The following NXPE3 variants were observed in gnomAD, a reference collection of about 807,000 sequenced individuals.
The protein encoded by NXPE3 is NXPE family member 3.
In NXPE3, 26 loss-of-function variants were observed where a neutral mutation model predicts 46.1. That is an observed-to-expected ratio of 0.56 (90% CI 0.41 to 0.78). NXPE3 has a LOEUF of 0.78. Ranked by LOEUF, NXPE3 falls within the 30% of genes least tolerant of loss-of-function variation. NXPE3 has a pLI of 0.00. For synonymous variants in NXPE3, 272 were observed against 257.9 expected (o/e 1.05, Z -0.52); for missense variants, 620 against 686.0 (o/e 0.90, Z 1.07).
intron 3 of NXPE3, among the ~76,000 whole-genome samples, chr3:101,784,112 G>A (rs1339247823): frequency 6.6e-6 from 1 of 152,152 alleles, no homozygotes; most frequent in Non-Finnish European, 1.5e-5. Context: ...ATTATTTGTT[G>A]CATAGATTGT....
intron 5 of NXPE3, among the ~76,000 whole-genome samples, chr3:101,806,198 G>T (rs1048446680): frequency 6.6e-6 from 1 of 152,114 alleles, no homozygotes; most frequent in South Asian, 2.1e-4. Flanking sequence ...AGTTTTTTCT[G>T]AAATTGATGA....
chr3:101,822,093 T>C lies in NXPE3; in HGVS notation c.*139T>C. The C allele has an allele frequency of 2.8e-6, 2 of 704,756 alleles. No individual in the cohort carries two copies. Among genetic ancestry groups the C allele is most frequent in the South Asian group, 4.0e-5 (2 of 50,110 alleles). 43.7% of individuals were successfully genotyped at this position (704,756 alleles called of 1,614,324 possible). On this transcript the variant is annotated 3_prime_UTR_variant, in exon 8 of 8. Coordinates refer to ENST00000273347, the MANE Select transcript of NXPE3 (RefSeq NM_145037.4). Reference sequence around the variant, plus strand: ...AAAGATCTGGACTTAATATGATGACTTATAAGGAGCTTAGAAAATGCAGGT... The same window carrying C: ...AAAGATCTGGACTTAATATGATGACCTATAAGGAGCTTAGAAAATGCAGGT...
chr3:101,797,388 T>A (rs977359122), intron 4 of NXPE3, among the ~76,000 whole-genome samples: 10 of 151,996 alleles, frequency 6.6e-5, no homozygotes, highest in Non-Finnish European at 1.2e-4. Context: ...CTACATGGCC[T>A]TGAGCAAATT....
At chr3:101,785,182 G>C (rs1940081818) in intron 3 of NXPE3, among the ~76,000 whole-genome samples, 1 of 152,162 alleles carries the variant, frequency 6.6e-6, no homozygotes, top group Non-Finnish European at 1.5e-5. Flanking sequence ...ATAGGCAATA[G>C]GGGAAATATT....
chr3:101,813,022 C>CA (rs2107334648), intron 6 of NXPE3, among the ~76,000 whole-genome samples: 1 of 152,148 alleles, frequency 6.6e-6, no homozygotes. Flanking sequence ...GGAGTAAACT[C>CA]AAACTCAAGC....
At chr3:101,797,712 A>G (rs1302014256) in intron 4 of NXPE3, among the ~76,000 whole-genome samples, 2 of 53,162 alleles carry the variant, frequency 3.8e-5, no homozygotes, top group Non-Finnish European at 7.3e-5. Context: ...ACTGAGAATG[A>G]TGGTTTCCAA....
intron 3 of NXPE3, among the ~76,000 whole-genome samples, chr3:101,783,746 T>C (rs1236994699): frequency 2.0e-5 from 3 of 152,236 alleles, no homozygotes; most frequent in African/African-American, 7.2e-5. Context: ...CTTTTCCCTC[T>C]CTGGCCATTG....
At chr3:101,799,147 C>T (rs1026328978) in intron 4 of NXPE3, among the ~76,000 whole-genome samples, 3 of 151,816 alleles carry the variant, frequency 2.0e-5, no homozygotes, top group Non-Finnish European at 2.9e-5. Flanking sequence ...GCTATGTTTC[C>T]CAGGTTGGTC....
At chr3:101,794,847 G>A (rs1940733536) in intron 4 of NXPE3, among the ~76,000 whole-genome samples, 1 of 152,180 alleles carries the variant, frequency 6.6e-6, no homozygotes, top group Non-Finnish European at 1.5e-5. Context: ...CGTACTTAAT[G>A]CCAGCTAAAG....
intron 6 of NXPE3, among the ~76,000 whole-genome samples, chr3:101,811,491 A>T (rs1293478672): frequency 3.3e-5 from 5 of 152,222 alleles, no homozygotes; most frequent in African/African-American, 1.2e-4. Context: ...CAAAGTCCAG[A>T]GATTTCACTT....
rs141442938 is a variant in NXPE3 at position 101,801,365 on chromosome 3, G to T, written c.224G>T (p.Arg75Leu). 1 of 1,614,196 alleles carries T rather than the reference G, an allele frequency of 6.2e-7. No individual in the cohort carries two copies. The highest frequency in any genetic ancestry group is 1.3e-5 in the African/African-American group (1 of 75,044). Residue 75 changes from arginine (R) to leucine (L), a missense_variant, in exon 5 of 8, where the codon CGC becomes CTC. Coordinates refer to ENST00000273347, the MANE Select transcript of NXPE3 (RefSeq NM_145037.4). ...YDQQTLSSQE[R>L]MEEDSLLAAL... is the part of the protein sequence containing the mutation. ...CAGCAGACCCTGTCCAGCCAGGAGC[G>T]CATGGAGGAGGACTCCTTGCTGGCT...
At chr3:101,813,397 A>C (rs190133273) in intron 6 of NXPE3, among the ~76,000 whole-genome samples, 1 of 151,422 alleles carries the variant, frequency 6.6e-6, no homozygotes, top group Non-Finnish European at 1.5e-5. Flanking sequence ...TTTTCGTCCA[A>C]CTCTTTCTGG....
In NXPE3 at chr3:101,825,143, C is replaced by CT. The variant is rs1005432515; in HGVS notation, c.*3190dup. The CT allele has an allele frequency of 4.6e-5, 7 of 152,184 alleles. No individual in the cohort carries two copies. Among genetic ancestry groups the CT allele is most frequent in the African/African-American group, 1.4e-4 (6 of 41,430 alleles). 9.4% of individuals were successfully genotyped at this position (152,184 alleles called of 1,614,324 possible). On this transcript the variant is annotated 3_prime_UTR_variant, in exon 8 of 8. Coordinates refer to ENST00000273347, the MANE Select transcript of NXPE3 (RefSeq NM_145037.4). ...CCCATTAGTAATTTTTCCTGATCCT[C>CT]TCCCTCCTCCTACCCTCCACCCTCC...
chr3:101,817,102 A>T (rs1942009721), intron 7 of NXPE3, 101 bp downstream of exon 7: 2 of 1,033,094 alleles, frequency 1.9e-6, no homozygotes, highest in African/African-American at 3.2e-5. Context: ...GTGAGGAAAC[A>T]TATATTTCTG....
chr3:101,821,334 A>T (rs1251395502), intron 7 of NXPE3, 70 bp from the exon 8 acceptor site: 2 of 1,349,720 alleles, frequency 1.5e-6, no homozygotes, highest in Non-Finnish European at 2.1e-6. Flanking sequence ...GAAGCCACTT[A>T]ATAAGGTATA....
At chr3:101,792,022 T>G (rs1576737187) in intron 4 of NXPE3, among the ~76,000 whole-genome samples, 1 of 152,202 alleles carries the variant, frequency 6.6e-6, no homozygotes. Context: ...TGATTTGCAT[T>G]TCTCTAATGA....
Position 101,801,569 on chromosome 3 carries a change from A to G in NXPE3, c.428A>G (p.Tyr143Cys), listed in dbSNP as rs762174735. 6.2e-7 allele frequency: 1 copy of G among 1,614,170 alleles called. No individual in the cohort carries two copies. Among genetic ancestry groups the G allele is most frequent in the Non-Finnish European group, 8.5e-7 (1 of 1,180,024 alleles). Residue 143 changes from tyrosine to cysteine, a missense_variant, in exon 5 of 8, where the codon TAC becomes TGC. Tyr to Cys is a radical substitution (Grantham distance 194). Transcript: ENST00000273347. ...AAGCCCAAGAAGTATGGTGGAGACT[A>G]CCTGCAGGCCAGAATTCACTCCCTC... ...QRKPKKYGGD[Y>C]LQARIHSLKL... is the part of the protein sequence containing the mutation.
At chr3:101,790,724 C>G (rs990078530) in intron 4 of NXPE3, among the ~76,000 whole-genome samples, 2 of 152,102 alleles carry the variant, frequency 1.3e-5, no homozygotes. Flanking sequence ...TTCTGAGTAG[C>G]TGGGACAACA....
chr3:101,811,461 C>T (rs1941702972), intron 6 of NXPE3, among the ~76,000 whole-genome samples: 1 of 152,132 alleles, frequency 6.6e-6, no homozygotes, highest in African/African-American at 2.4e-5. Context: ...GTAGTTGACC[C>T]ATTTTATAGA....
Sources: gnomAD v4.1 joint callset for allele counts (sites outside exome capture counted in the v4.1 genomes callset) on GRCh38, gnomAD v4.1.1 for gene constraint, MANE v1.5 for transcripts, NCBI Gene and HGNC (gene_info 2026-07-23, HGNC 2026-07-21) for gene names.